GABBR2: variants seen among roughly 807,000 people sequenced by gnomAD.
GABBR2 encodes gamma-aminobutyric acid type B receptor subunit 2, also known as G-protein coupled receptor 51.
GABBR2 carries 23 observed loss-of-function variants against 105.6 expected under a neutral mutation model. The ratio of observed to expected loss-of-function variants is 0.22; its 90% CI spans 0.16 to 0.31. GABBR2 has a LOEUF of 0.31. Among genes scored for constraint, GABBR2 ranks in the 10% least tolerant of loss-of-function variants. The probability of loss-of-function intolerance (pLI) is 1.00; values close to 1 mark genes in which losing one functional copy is unlikely to be tolerated. For synonymous variants in GABBR2, 478 were observed against 499.7 expected (o/e 0.96, Z 0.58); for missense variants, 734 against 1,245.5 (o/e 0.59, Z 6.18).
At chr9:98,633,919 T>C (rs561855806) in intron 1 of GABBR2, among the ~76,000 whole-genome samples, 90 of 152,288 alleles carry the variant, frequency 5.9e-4, no homozygotes, top group African/African-American at 2.1e-3. Context: ...ACCAGAAGCA[T>C]GGCCTCAGCA....
intron 6 of GABBR2, among the ~76,000 whole-genome samples, chr9:98,459,854 G>A (rs1826393360): frequency 6.6e-6 from 1 of 152,198 alleles, no homozygotes. Flanking sequence ...TTCTTCACTG[G>A]ATTAAGGCAA....
chr9:98,413,129 G>C (rs1432972868), intron 7 of GABBR2, among the ~76,000 whole-genome samples: 4 of 152,206 alleles, frequency 2.6e-5, no homozygotes, highest in African/African-American at 9.6e-5. Flanking sequence ...CCCCTACAAA[G>C]ACCATGGGGG....
chr9:98,677,639 C>T (rs180898397), intron 1 of GABBR2, among the ~76,000 whole-genome samples: 177 of 152,268 alleles, frequency 1.2e-3, no homozygotes, highest in Non-Finnish European at 1.7e-3. Context: ...CCTCAAATGT[C>T]CCATGGCCAG....
In GABBR2 at chr9:98,375,826, C is replaced by G. The variant is rs79376687; in HGVS notation, c.1663-4255G>C. ...GTTTCATTTAATGACATCCCAGGTG[C>G]CTCCCTTCTATGTGGCTCTATGATG... On this transcript the variant is annotated intron_variant, in intron 11 of 18. Transcript: ENST00000259455. Among the ~76,000 whole-genome samples the G allele has an allele frequency of 5.7e-3, 861 of 152,286 alleles. 9 individuals carry two copies. Among genetic ancestry groups the G allele is most frequent in the African/African-American group, 0.02 (813 of 41,552 alleles).
chr9:98,578,830 C>T (rs1828958710), intron 1 of GABBR2, among the ~76,000 whole-genome samples: 1 of 152,158 alleles, frequency 6.6e-6, no homozygotes, highest in African/African-American at 2.4e-5. Flanking sequence ...ACCTTGAGGA[C>T]ATTATGCTAA....
intron 7 of GABBR2, among the ~76,000 whole-genome samples, chr9:98,452,306 C>A (rs112898665): frequency 1.1e-3 from 170 of 152,354 alleles, no homozygotes; most frequent in Non-Finnish European, 2.0e-3. Flanking sequence ...CACAGGACAG[C>A]ACTTTAGCCC....
intron 13 of GABBR2, among the ~76,000 whole-genome samples, chr9:98,319,747 C>T (rs977669126): frequency 2.6e-5 from 4 of 152,062 alleles, no homozygotes; most frequent in Admixed American, 6.6e-5. Context: ...GGTGGAGAAA[C>T]GCAGGCGCAG....
intron 1 of GABBR2, among the ~76,000 whole-genome samples, chr9:98,704,077 C>T (rs1234524330): frequency 6.6e-6 from 1 of 152,128 alleles, no homozygotes; most frequent in Non-Finnish European, 1.5e-5. Context: ...GTTCTCTGTT[C>T]ACCAGCTGCC....
At chr9:98,501,455 G>A (rs1250621101) in intron 3 of GABBR2, among the ~76,000 whole-genome samples, 6 of 152,192 alleles carry the variant, frequency 3.9e-5, no homozygotes, top group African/African-American at 7.2e-5. Flanking sequence ...GTGAGCCACT[G>A]CACGTGGCCA....
At chr9:98,438,185 ATCCATCCATC>A (rs1564069160) in intron 7 of GABBR2, among the ~76,000 whole-genome samples, 15 of 112,344 alleles carry the variant, frequency 1.3e-4, no homozygotes, top group African/African-American at 5.1e-4. Context: ...CCATCCATCC[ATCCATCCATC>A]CATCCATCCA....
intron 1 of GABBR2, among the ~76,000 whole-genome samples, chr9:98,646,681 A>G (rs193083116): frequency 7.4e-4 from 112 of 152,276 alleles, no homozygotes; most frequent in Non-Finnish European, 1.1e-3. Flanking sequence ...CTTGGGTGAC[A>G]TTGTTCAGAG....
intron 3 of GABBR2, among the ~76,000 whole-genome samples, chr9:98,541,556 T>C (rs1387642946): frequency 6.7e-6 from 1 of 150,160 alleles, no homozygotes; most frequent in Non-Finnish European, 1.5e-5. Context: ...AACTTTGTGA[T>C]CTTAGATGGT....
At chr9:98,670,083 G>A (rs7853820) in intron 1 of GABBR2, among the ~76,000 whole-genome samples, 123,623 of 152,114 alleles carry the variant, frequency 0.81, 50,332 homozygotes, top group Middle Eastern at 0.91. Flanking sequence ...AGAAGGGCCA[G>A]CCGAAGGACT....
intron 13 of GABBR2, among the ~76,000 whole-genome samples, chr9:98,354,685 G>C (rs1831456141): frequency 6.6e-6 from 1 of 152,192 alleles, no homozygotes; most frequent in African/African-American, 2.4e-5. Flanking sequence ...GAATTGAAGA[G>C]ATCTAGTTCA....
rs1405162987 is a variant in GABBR2 at position 98,547,185 on chromosome 9, TG to T, written c.460-5143del. 5.4e-4 allele frequency among the ~76,000 whole-genome samples: 64 copies of T among 117,466 alleles called. 9 individuals are homozygous for T. Among genetic ancestry groups the T allele is most frequent in the African/African-American group, 1.6e-3 (59 of 37,068 alleles). 77.1% of individuals were successfully genotyped at this position (117,466 alleles called of 152,430 possible). On this transcript the variant is annotated intron_variant, in intron 2 of 18. Coordinates refer to ENST00000259455, the MANE Select transcript of GABBR2 (RefSeq NM_005458.8). Reference sequence around the variant, plus strand: ...AAAAAATCGCACTCTTGATTTTATTTGGGATAAAGAGAGCCCTATACACGAC... The same window carrying T: ...AAAAAATCGCACTCTTGATTTTATTTGGATAAAGAGAGCCCTATACACGAC...
chr9:98,581,767 G>C (rs1188505968), intron 1 of GABBR2, among the ~76,000 whole-genome samples: 2 of 151,734 alleles, frequency 1.3e-5, no homozygotes, highest in Non-Finnish European at 2.9e-5. Flanking sequence ...CTAATCTGTA[G>C]CTAATGACAA....
intron 13 of GABBR2, among the ~76,000 whole-genome samples, chr9:98,355,429 G>A (rs914580620): frequency 1.3e-5 from 2 of 152,108 alleles, no homozygotes; most frequent in Non-Finnish European, 2.9e-5. Context: ...GCCTGGACCA[G>A]AAATGAGCAA....
At chr9:98,515,326 C>T (rs181982486) in intron 3 of GABBR2, among the ~76,000 whole-genome samples, 9 of 152,254 alleles carry the variant, frequency 5.9e-5, no homozygotes, top group African/African-American at 2.2e-4. Flanking sequence ...AGCTTCAGGC[C>T]GCTCCATAAG....
chr9:98,415,976 G>A (rs988302014), intron 7 of GABBR2, among the ~76,000 whole-genome samples: 4 of 152,192 alleles, frequency 2.6e-5, no homozygotes, highest in African/African-American at 9.7e-5. Context: ...GGGTGTAGTA[G>A]GAGTAGGCAG....
Sources: gnomAD v4.1 joint callset for allele counts (sites outside exome capture counted in the v4.1 genomes callset) on GRCh38, gnomAD v4.1.1 for gene constraint, MANE v1.5 for transcripts, NCBI Gene and HGNC (gene_info 2026-07-23, HGNC 2026-07-21) for gene names.